The following FRMD4B variants were observed in gnomAD, a reference collection of about 807,000 sequenced individuals.
FRMD4B encodes FERM domain containing 4B, also known as FERM domain-containing protein 4B.
Under a neutral mutation model 141.5 loss-of-function variants are expected in FRMD4B, and 74 were observed. The observed-to-expected ratio is 0.52, with a 90% confidence interval of 0.43 to 0.63. The LOEUF (loss-of-function observed/expected upper bound fraction) is 0.63. Among genes scored for constraint, FRMD4B ranks in the 30% least tolerant of loss-of-function variants. The pLI is 0.00. For missense variants in FRMD4B, 1,366 were observed against 1,253.4 expected, an observed-to-expected ratio of 1.09 and a Z score of -1.36; for synonymous variants, 506 against 467.9, an observed-to-expected ratio of 1.08 and a Z score of -1.05.
chr3:69,391,092 C>T (rs1362111360), intron 2 of FRMD4B, among the ~76,000 whole-genome samples: 1 of 151,812 alleles, frequency 6.6e-6, no homozygotes, highest in Non-Finnish European at 1.5e-5. Flanking sequence ...AACTCAAAGT[C>T]TTTTGAGAAA....
At position 69,355,092 on chromosome 3, in the gene FRMD4B, C is replaced by T. The variant is rs1427712507; in HGVS notation, c.162+30736G>A. On this transcript the variant is annotated intron_variant, in intron 1 of 22. Transcript: ENST00000398540. ...ATCATATATGGAGATTGAAAAAGTG[C>T]TATATAGCTCAAACAACTTGGGCAG... is the stretch of plus-strand genomic sequence containing the variant. Among the ~76,000 whole-genome samples the T allele has an allele frequency of 2.0e-5, 3 of 151,558 alleles. No individual in the cohort carries two copies. In the East Asian group the frequency reaches 5.8e-4, roughly 29 times the overall value.
chr3:69,463,019 G>A (rs1705729435), intron 1 of FRMD4B, among the ~76,000 whole-genome samples: 1 of 152,128 alleles, frequency 6.6e-6, no homozygotes, highest in Non-Finnish European at 1.5e-5. Flanking sequence ...GCTTCCCTGG[G>A]ATTGCACTCC....
rs1277166604 is a variant in FRMD4B, at chr3:69,377,903, C to T, written c.162+7925G>A. On this transcript the variant is annotated intron_variant, in intron 1 of 22. Coordinates refer to ENST00000398540, the MANE Select transcript of FRMD4B (RefSeq NM_015123.3). ...TCTGCTCACCGCAACCTCTGCCTCC[C>T]GGGTTTAAGCCATTCTCCTGCCTCA... 4.6e-5 allele frequency among the ~76,000 whole-genome samples: 7 copies of T among 151,866 alleles called. No homozygotes were observed. The South Asian group carries it at 1.0e-3, about 23-fold the overall frequency.
At chr3:69,264,772 CA>C (rs765230949) in intron 5 of FRMD4B, among the ~76,000 whole-genome samples, 1 of 151,918 alleles carries the variant, frequency 6.6e-6, no homozygotes, top group African/African-American at 2.4e-5. Flanking sequence ...AAAGACATTA[CA>C]AAAAAACAAA....
chr3:69,541,509 A>G (rs1323402228), intron 1 of FRMD4B, among the ~76,000 whole-genome samples: 1 of 152,206 alleles, frequency 6.6e-6, no homozygotes, highest in Non-Finnish European at 1.5e-5. Flanking sequence ...TGTGAACAAG[A>G]GCAGGCACTG....
chr3:69,259,116 CG>C (rs2093510432), intron 5 of FRMD4B, among the ~76,000 whole-genome samples: 1 of 152,132 alleles, frequency 6.6e-6, no homozygotes, highest in African/African-American at 2.4e-5. Context: ...CTTGTTTTCC[CG>C]TAACTAGACC....
At chr3:69,347,798 C>T (rs1385372348) in intron 1 of FRMD4B, among the ~76,000 whole-genome samples, 2 of 152,158 alleles carry the variant, frequency 1.3e-5, no homozygotes, top group Admixed American at 6.5e-5. Context: ...AACAAAGACA[C>T]AACATACCAG....
intron 1 of FRMD4B, among the ~76,000 whole-genome samples, chr3:69,444,244 T>C (rs1705381357): frequency 1.3e-5 from 2 of 152,154 alleles, no homozygotes; most frequent in South Asian, 4.1e-4. Flanking sequence ...AATTAAACTC[T>C]TTGTTTACTG....
At chr3:69,297,190 G>A (rs1045080726) in intron 4 of FRMD4B, among the ~76,000 whole-genome samples, 6 of 152,222 alleles carry the variant, frequency 3.9e-5, no homozygotes, top group Admixed American at 3.9e-4. Flanking sequence ...ATGCTTCCTC[G>A]AGTTAAGCTC....
intron 1 of FRMD4B, among the ~76,000 whole-genome samples, chr3:69,435,174 G>T (rs1705240141): frequency 6.6e-6 from 1 of 152,028 alleles, no homozygotes; most frequent in Non-Finnish European, 1.5e-5. Context: ...TCAATCTAAG[G>T]GCTGGCCATA....
intron 1 of FRMD4B, among the ~76,000 whole-genome samples, chr3:69,485,779 G>C (rs1706204963): frequency 6.6e-6 from 1 of 152,318 alleles, no homozygotes; most frequent in South Asian, 2.1e-4. Context: ...CCCTTCACCT[G>C]GTGCGACGCA....
intron 3 of FRMD4B, among the ~76,000 whole-genome samples, chr3:69,307,957 C>T (rs1701448332): frequency 6.6e-6 from 1 of 152,182 alleles, no homozygotes; most frequent in Non-Finnish European, 1.5e-5. Context: ...GTACCTTGTT[C>T]GTTGCCATGT....
Position 69,171,549 on chromosome 3 carries a change from CT to C in FRMD4B, c.*311del, listed in dbSNP as rs1559678200. ...TGTTTTTGAGGTTTGCCTTTAACAA[CT>C]TTTACTCCCTTAAAAAGTGCTTGCT... On this transcript the variant is annotated 3_prime_UTR_variant, in exon 23 of 23. Transcript: ENST00000398540. The C allele has an allele frequency of 4.8e-6, 1 of 209,928 alleles. No homozygotes were observed. Among genetic ancestry groups the C allele is most frequent in the African/African-American group, 2.3e-5 (1 of 43,044 alleles). 13.0% of individuals were successfully genotyped at this position (209,928 alleles called of 1,614,324 possible). A position where few individuals can be genotyped will look rare whatever the true frequency, so the allele number is the denominator to read the frequency against.
intron 2 of FRMD4B, among the ~76,000 whole-genome samples, chr3:69,408,714 C>A (rs1704700197): frequency 6.6e-6 from 1 of 152,208 alleles, no homozygotes; most frequent in Admixed American, 6.5e-5. Context: ...CTGGAGCCAG[C>A]AGCATTTGGA....
intron 5 of FRMD4B, among the ~76,000 whole-genome samples, chr3:69,256,053 C>T (rs769565410): frequency 4.0e-5 from 6 of 151,794 alleles, no homozygotes; most frequent in East Asian, 1.9e-4. Flanking sequence ...GCTGTGATTG[C>T]GCCACTGGAC....
chr3:69,288,395 TG>T, intron 4 of FRMD4B, among the ~76,000 whole-genome samples: 1 of 152,264 alleles, frequency 6.6e-6, no homozygotes, highest in African/African-American at 2.4e-5. Context: ...GGTTTTCCTT[TG>T]GCTCAAAGCC....
rs144042192 is a variant in FRMD4B, at chr3:69,357,786, A to C, written c.162+28042T>G. On this transcript the variant is annotated intron_variant, in intron 1 of 22. Transcript: ENST00000398540. ...TGGGCATAGCACTAAACCATTTGTC[A>C]TAAAGTAAGAGGACAAACTTGAAGA... Among the ~76,000 whole-genome samples the C allele has an allele frequency of 1.8e-3, 268 of 152,366 alleles. 1 individual carries two copies. Among genetic ancestry groups the C allele is most frequent in the African/African-American group, 4.4e-3 (181 of 41,588 alleles).
In FRMD4B at chr3:69,186,047, A is replaced by C. The variant is rs553289346; in HGVS notation, c.1919+1723T>G. Among the ~76,000 whole-genome samples the C allele has an allele frequency of 5.3e-5, 8 of 152,020 alleles. No homozygotes were observed. The South Asian group carries it at 1.7e-3, about 32-fold the overall frequency. ...ACAGAGCAAGACTCTGTCTCAAAAA[A>C]AAAAAAAAGTAAGTGCTCAATAGAA... On this transcript the variant is annotated intron_variant, in intron 19 of 22. Coordinates refer to ENST00000398540, the MANE Select transcript of FRMD4B (RefSeq NM_015123.3).
At chr3:69,501,210 G>C (rs1176447855) in intron 1 of FRMD4B, among the ~76,000 whole-genome samples, 5 of 148,578 alleles carry the variant, frequency 3.4e-5, no homozygotes, top group Admixed American at 2.7e-4. Flanking sequence ...AACACTATAA[G>C]GTTTATGCAT....
Sources: gnomAD v4.1 joint callset for allele counts (sites outside exome capture counted in the v4.1 genomes callset) on GRCh38, gnomAD v4.1.1 for gene constraint, MANE v1.5 for transcripts, NCBI Gene and HGNC (gene_info 2026-07-23, HGNC 2026-07-21) for gene names.